RASA3: variants seen among roughly 807,000 people sequenced by gnomAD.
RASA3 encodes ras GTPase-activating protein 3.
Under a neutral mutation model 110.0 loss-of-function variants are expected in RASA3, and 73 were observed. The observed-to-expected ratio is 0.66, with a 90% CI of 0.55 to 0.81. The LOEUF (loss-of-function observed/expected upper bound fraction) is 0.81, where lower values mean the gene tolerates loss of function less well. Ranked by LOEUF, RASA3 falls within the 30% of genes least tolerant of loss-of-function variation. RASA3 has a pLI of 0.00. For missense variants in RASA3, 976 were observed against 1,113.2 expected (o/e 0.88, Z 1.75); for synonymous variants, 500 against 451.4 (o/e 1.11, Z -1.37).
Position 114,017,323 on chromosome 13 carries a change from A to G in RASA3, c.1120T>C (p.Ser374Pro). 1 of 1,613,956 alleles carries G rather than the reference A, an allele frequency of 6.2e-7. No homozygotes were observed. Among genetic ancestry groups the G allele is most frequent in the Non-Finnish European group, 8.5e-7 (1 of 1,180,010 alleles). ...TCGTCGATGCACTTGGACGCCAGTGAGTTTCCTCGGAAGATGGTGTTGGGG... is the reference window on the plus strand; with the variant it reads ...TCGTCGATGCACTTGGACGCCAGTGGGTTTCCTCGGAAGATGGTGTTGGGG... The part of the protein sequence containing the change: ...QDPNTIFRGN[S>P]LASKCIDETM... Residue 374 changes from serine (S) to proline (P), a missense_variant, in exon 12 of 24, where the codon TCA becomes CCA. This residue lies in a region of RASA3 where 732 missense variants were observed against 779.7 expected (regional missense o/e 0.94). Transcript: ENST00000334062.
At chr13:114,092,834 C>T (rs901438329) in intron 1 of RASA3, among the ~76,000 whole-genome samples, 4 of 152,056 alleles carry the variant, frequency 2.6e-5, no homozygotes, top group Non-Finnish European at 5.9e-5. Flanking sequence ...TTATATATAT[C>T]GGGGTGCTCT....
chr13:114,038,623 T>C (rs1002479076), intron 4 of RASA3, among the ~76,000 whole-genome samples: 4 of 152,208 alleles, frequency 2.6e-5, no homozygotes, highest in Non-Finnish European at 5.9e-5. Context: ...TTGCTGGCCA[T>C]GGGCGTGTGC....
chr13:114,078,730 A>G (rs1454207416), intron 1 of RASA3, among the ~76,000 whole-genome samples: 1 of 152,204 alleles, frequency 6.6e-6, no homozygotes. Context: ...CATGACTCCC[A>G]CGCCCACGGC....
intron 22 of RASA3, 94 bp from the exon 23 acceptor site, chr13:113,981,952 C>G (rs2052946920): frequency 9.0e-7 from 1 of 1,112,612 alleles, no homozygotes; most frequent in Middle Eastern, 2.8e-4. Flanking sequence ...ACCCACAGTA[C>G]ACATCCTTCC....
In RASA3 at chr13:114,057,805, T is replaced by C. The variant is rs2079269430; in HGVS notation, c.174-5650A>G. On this transcript the variant is annotated intron_variant, in intron 2 of 23. Transcript: ENST00000334062. This position sits in a 1 kb window ranked among gnomAD's most constrained non-coding sequence, Gnocchi z 5.0. Reference sequence around the variant, plus strand: ...CACCCAGACCTGGAAGGGGCACCTCTGGCCAGGGCGCTCAGCACGAGGGGA... The same window carrying C: ...CACCCAGACCTGGAAGGGGCACCTCCGGCCAGGGCGCTCAGCACGAGGGGA... 6.6e-6 allele frequency among the ~76,000 whole-genome samples: 1 copy of C among 152,144 alleles called. No homozygotes were observed.
intron 2 of RASA3, among the ~76,000 whole-genome samples, chr13:114,066,138 C>T (rs2079445520): frequency 1.3e-5 from 2 of 152,184 alleles, no homozygotes; most frequent in Admixed American, 1.3e-4. Flanking sequence ...CTCTCCTGCA[C>T]ATGAGGCTCT....
chr13:113,992,728 T>C, intron 21 of RASA3, 140 bp from the exon 22 acceptor site: 2 of 711,842 alleles, frequency 2.8e-6, no homozygotes, highest in Admixed American at 2.1e-5. Flanking sequence ...CGATTTGCTG[T>C]CCGTCTGTGC....
chr13:114,027,782 G>T, intron 6 of RASA3, 65 bp downstream of exon 6: 1 of 1,512,486 alleles, frequency 6.6e-7, no homozygotes, highest in Non-Finnish European at 9.2e-7. Flanking sequence ...GTGGTCTCGT[G>T]ATTTCAGAGC....
At chr13:114,067,248 C>T (rs527971733) in intron 2 of RASA3, among the ~76,000 whole-genome samples, 7 of 140,192 alleles carry the variant, frequency 5.0e-5, no homozygotes, top group South Asian at 5.0e-4. Context: ...CCCCCACCTG[C>T]GGACACCCCG....
intron 4 of RASA3, among the ~76,000 whole-genome samples, chr13:114,032,240 G>C (rs1469828041): frequency 6.6e-6 from 1 of 152,082 alleles, no homozygotes; most frequent in Non-Finnish European, 1.5e-5. Context: ...GCTCTATTCT[G>C]AATTTCTTCC....
chr13:114,034,085 G>A (rs1277130577), intron 4 of RASA3, among the ~76,000 whole-genome samples: 2 of 152,110 alleles, frequency 1.3e-5, no homozygotes, highest in South Asian at 2.1e-4. Context: ...ACACCAGCCG[G>A]GCAGTGGGCC....
chr13:114,062,636 G>A (rs529113285), intron 2 of RASA3, among the ~76,000 whole-genome samples: 153 of 150,426 alleles, frequency 1.0e-3, no homozygotes, highest in Middle Eastern at 3.5e-3. Flanking sequence ...GCCCACGTCC[G>A]CATGCAGACT....
chr13:114,090,254 G>A (rs1255318901), intron 1 of RASA3, among the ~76,000 whole-genome samples: 1 of 152,226 alleles, frequency 6.6e-6, no homozygotes, highest in Non-Finnish European at 1.5e-5. Flanking sequence ...TGCCTGCAAA[G>A]CGCAAGCGTT....
chr13:114,065,075 A>G lies in RASA3; in HGVS notation c.173+8645T>C, dbSNP rs1201540353. ...GGGGAAAAAAGAAAAAACCTCTTGCAGAAAACAGAGTTGACCTTTAAGTAG... is the reference window on the plus strand; with the variant it reads ...GGGGAAAAAAGAAAAAACCTCTTGCGGAAAACAGAGTTGACCTTTAAGTAG... On this transcript the variant is annotated intron_variant, in intron 2 of 23. Coordinates refer to ENST00000334062, the MANE Select transcript of RASA3 (RefSeq NM_007368.4). This position sits in a 1 kb window ranked among gnomAD's most constrained non-coding sequence, Gnocchi z 4.1. Among the ~76,000 whole-genome samples, 1 of 152,274 alleles carries G rather than the reference A, an allele frequency of 6.6e-6. No homozygotes were observed. Among genetic ancestry groups the G allele is most frequent in the African/African-American group, 2.4e-5 (1 of 41,480 alleles).
At chr13:114,070,286 G>A (rs1719812450) in intron 2 of RASA3, among the ~76,000 whole-genome samples, 1 of 151,850 alleles carries the variant, frequency 6.6e-6, no homozygotes, top group South Asian at 2.1e-4. Flanking sequence ...CCACCATGGA[G>A]CAAGGAGGGG....
chr13:114,066,700 A>G (rs1490927997), intron 2 of RASA3, among the ~76,000 whole-genome samples: 1 of 152,222 alleles, frequency 6.6e-6, no homozygotes, highest in Non-Finnish European at 1.5e-5. Context: ...AACCCCCTGC[A>G]TCATTCTGAC....
chr13:114,021,921 G>C (rs1487128341), intron 8 of RASA3, among the ~76,000 whole-genome samples: 2 of 152,138 alleles, frequency 1.3e-5, no homozygotes, highest in African/African-American at 2.4e-5. Context: ...GCGTCGCTCT[G>C]TGCCAGGAGG....
Position 113,999,660 on chromosome 13 carries a change from C to T in RASA3, c.1857G>A (p.Gln619=). 1 of 1,612,878 alleles carries T rather than the reference C, an allele frequency of 6.2e-7. No individual in the cohort carries two copies. Among genetic ancestry groups the T allele is most frequent in the Non-Finnish European group, 8.5e-7 (1 of 1,179,638 alleles). Residue 619 remains glutamine, a synonymous_variant, in exon 20 of 24, where the codon CAG becomes CAA. Transcript: ENST00000334062. ...EFTYHKSKGD[Q]PLYSIPIENI... ...TCTCGATGGGAATGCTGTAGAGAGG[C>T]TGGTCCCCTGCAGCAGAGATGGACT...
chr13:114,041,150 C>T (rs2054397514), intron 3 of RASA3, 56 bp from the exon 4 acceptor site: 2 of 1,469,672 alleles, frequency 1.4e-6, no homozygotes, highest in African/African-American at 1.4e-5. Flanking sequence ...AGCCAGGACG[C>T]CTGTGAGCAG....
Sources: gnomAD v4.1 joint callset for allele counts (sites outside exome capture counted in the v4.1 genomes callset) on GRCh38, gnomAD v4.1.1 for gene constraint, gnomAD v4.1.1 regional missense constraint, Gnocchi (gnomAD v3.1) non-coding constraint, MANE v1.5 for transcripts, NCBI Gene and HGNC (gene_info 2026-07-23, HGNC 2026-07-21) for gene names.